The following CMTM1 variants were observed in gnomAD, a reference collection of about 807,000 sequenced individuals.
CMTM1 encodes the protein CKLF-like MARVEL transmembrane domain-containing protein 1.
CMTM1 carries 16 observed loss-of-function variants against 17.8 expected under a neutral mutation model. The observed-to-expected ratio is 0.90, with a 90% CI of 0.61 to 1.37. The LOEUF (loss-of-function observed/expected upper bound fraction) is 1.37. CMTM1 is among the 40% of genes most tolerant of loss of function. The pLI, the probability that CMTM1 is intolerant of heterozygous loss-of-function variation, is 0.00. For missense variants in CMTM1, 354 were observed against 375.6 expected (o/e 0.94, Z 0.47); for synonymous variants, 169 against 154.6 (o/e 1.09, Z -0.69).
intron 2 of CMTM1, among the ~76,000 whole-genome samples, chr16:66,575,765 T>C (rs9673386): frequency 0.055 from 8,405 of 152,300 alleles, 568 homozygotes; most frequent in African/African-American, 0.16. Flanking sequence ...AAGAGCTCCA[T>C]TGGAGCCACT....
intron 2 of CMTM1, among the ~76,000 whole-genome samples, chr16:66,570,741 T>G (rs1486339708): frequency 6.6e-6 from 1 of 152,240 alleles, no homozygotes; most frequent in Non-Finnish European, 1.5e-5. Flanking sequence ...ATTCTGGTCC[T>G]GCCACCTTAC....
At chr16:66,571,777 C>T (rs1030118801) in intron 2 of CMTM1, among the ~76,000 whole-genome samples, 11 of 152,190 alleles carry the variant, frequency 7.2e-5, no homozygotes, top group African/African-American at 1.2e-4. Context: ...GAGAAATGGA[C>T]TCATGCAGGC....
At chr16:66,572,195 C>G (rs2144641243) in intron 2 of CMTM1, among the ~76,000 whole-genome samples, 1 of 152,230 alleles carries the variant, frequency 6.6e-6, no homozygotes. Flanking sequence ...CTCTCTGTTA[C>G]CAAGATGGTT....
Position 66,576,968 on chromosome 16 carries a change from T to C in CMTM1, c.592-136T>C, listed in dbSNP as rs191452433. On this transcript the variant is annotated intron_variant, in intron 2 of 3. Coordinates refer to ENST00000379500, the MANE Select transcript of CMTM1 (RefSeq NM_052999.4). The stretch of plus-strand genomic sequence containing the variant: ...CTGGACGATGTAAGAATTATGCCTC[T>C]GAAGGTTCCTCCTCATCTTAATCAA... 6.7e-4 allele frequency: 455 copies of C among 682,096 alleles called. 1 individual carries two copies. Among genetic ancestry groups the C allele is most frequent in the Non-Finnish European group, 1.0e-3 (415 of 410,522 alleles). The allele number at this position is 682,096 out of a possible 1,614,324, so 42.3% of individuals were successfully genotyped here. A position where few individuals can be genotyped will look rare whatever the true frequency, so the allele number is the denominator to read the frequency against.
At chr16:66,567,128 C>A in intron 1 of CMTM1, 183 bp downstream of exon 1, 1 of 672,432 alleles carries the variant, frequency 1.5e-6, no homozygotes, top group Non-Finnish European at 2.6e-6. Flanking sequence ...TCCTACTAAA[C>A]TTGCCTCTTT....
intron 2 of CMTM1, chr16:66,575,189 T>A: frequency 1.0e-6 from 1 of 985,370 alleles, no homozygotes; most frequent in Non-Finnish European, 1.2e-6. Flanking sequence ...AGGAAGAACA[T>A]CTGGAGTTTG....
In CMTM1 at chr16:66,567,154, C is replaced by CTTTTT. The variant is rs58132277; in HGVS notation, c.432+221_432+225dup. ...TTGCCTCTTTTTTTCCCTATTTTTT[C>CTTTTT]TTTTTTTTTTTTTTTTATTATACTT... On this transcript the variant is annotated intron_variant, in intron 1 of 3. Transcript: ENST00000379500. 13 of 556,544 alleles carry CTTTTT rather than the reference C, an allele frequency of 2.3e-5. 1 individual carries two copies. Among genetic ancestry groups the CTTTTT allele is most frequent in the South Asian group, 1.8e-4 (9 of 49,882 alleles). 34.5% of individuals were successfully genotyped at this position (556,544 alleles called of 1,614,324 possible). A position where few individuals can be genotyped will look rare whatever the true frequency, so the allele number is the denominator to read the frequency against.
chr16:66,576,948 C>T (rs113365504), intron 2 of CMTM1, among the ~76,000 whole-genome samples, 156 bp from the exon 3 acceptor site: 46 of 152,196 alleles, frequency 3.0e-4, no homozygotes, highest in African/African-American at 1.0e-3. Flanking sequence ...TGTCTCTGGA[C>T]GATGTAAGAA....
In CMTM1 at chr16:66,569,924, C is replaced by A. The variant is rs1228488383; in HGVS notation, c.433-12C>A. The A allele has an allele frequency of 1.9e-6, 3 of 1,567,810 alleles. No homozygotes were observed. Among genetic ancestry groups the A allele is most frequent in the Non-Finnish European group, 2.6e-6 (3 of 1,162,342 alleles). ...TCATGCATTAAAACAAATCCTGTTT[C>A]TTTTATTGCAGAGTCTTATCTTAGG... On this transcript the variant is annotated splice_polypyrimidine_tract_variant and intron_variant, in intron 1 of 3. Coordinates refer to ENST00000379500, the MANE Select transcript of CMTM1 (RefSeq NM_052999.4).
chr16:66,576,472 C>T (rs1300477851), intron 2 of CMTM1, among the ~76,000 whole-genome samples: 4 of 151,736 alleles, frequency 2.6e-5, no homozygotes, highest in Admixed American at 6.6e-5. Context: ...CTGCAGATGT[C>T]GGGGCACACC....
In CMTM1 at chr16:66,570,144, CCA is replaced by C. The variant is rs368945401; in HGVS notation, c.591+51_591+52del. 691 of 1,442,856 alleles carry C rather than the reference CCA, an allele frequency of 4.8e-4. 5 individuals carry two copies. In the East Asian group the frequency reaches 0.015, roughly 32 times the overall value. 89.4% of individuals were successfully genotyped at this position (1,442,856 alleles called of 1,614,324 possible). On this transcript the variant is annotated intron_variant, in intron 2 of 3. Transcript: ENST00000379500. ...TCAAATCCAAGCTTTGCCCTCAGCCCCAGAGTAAGGGCTCTCCTTAAGTGAAA... is the reference window on the plus strand; with the variant it reads ...TCAAATCCAAGCTTTGCCCTCAGCCCGAGTAAGGGCTCTCCTTAAGTGAAA...
At position 66,579,038 on chromosome 16, in the gene CMTM1, C is replaced by A. The variant is rs777316599; in HGVS notation, c.*37C>A. The stretch of plus-strand genomic sequence containing the variant: ...CGCCCTAGCAGATGCACGTGTCTGT[C>A]GAATCGCTGCCTCCGAGCCCACCCC... On this transcript the variant is annotated 3_prime_UTR_variant, in exon 4 of 4. Coordinates refer to ENST00000379500, the MANE Select transcript of CMTM1 (RefSeq NM_052999.4). The surrounding 1 kb of genome is among the most constrained non-coding windows in gnomAD (Gnocchi z 6.5). The A allele has an allele frequency of 5.6e-6, 9 of 1,602,250 alleles. No individual in the cohort carries two copies. The Admixed American group carries it at 1.3e-4, about 24-fold the overall frequency.
intron 2 of CMTM1, chr16:66,575,166 C>T (rs925984937): frequency 7.1e-6 from 7 of 985,298 alleles, no homozygotes; most frequent in East Asian, 1.1e-4. Flanking sequence ...GCTCCTCGGT[C>T]GCCAGCCCCA....
At chr16:66,577,926 A>G (rs569680463) in intron 3 of CMTM1, among the ~76,000 whole-genome samples, 3 of 152,370 alleles carry the variant, frequency 2.0e-5, no homozygotes, top group South Asian at 4.1e-4. Flanking sequence ...TCTATAATCA[A>G]TAAATATCTG....
chr16:66,578,926 A>G lies in CMTM1; in HGVS notation c.786A>G (p.Glu262=), dbSNP rs748859453. The G allele has an allele frequency of 7.4e-6, 12 of 1,614,058 alleles. No individual in the cohort carries two copies. In the Admixed American group the frequency reaches 2.0e-4, roughly 27 times the overall value. ...RTNLKRFLGV[E]VERKLSPAKD... is the part of the protein sequence containing the mutation. The stretch of plus-strand genomic sequence containing the variant: ...ACTTGAAAAGATTCCTGGGAGTCGA[A>G]GTTGAAAGGAAGCTTTCCCCCGCCA... Residue 262 remains glutamate (E), a synonymous_variant, in exon 4 of 4, where the codon GAA becomes GAG. Coordinates refer to ENST00000379500, the MANE Select transcript of CMTM1 (RefSeq NM_052999.4).
chr16:66,572,721 C>T (rs1346519206), intron 2 of CMTM1, among the ~76,000 whole-genome samples: 1 of 152,018 alleles, frequency 6.6e-6, no homozygotes, highest in Non-Finnish European at 1.5e-5. Context: ...TCCCTCCAGG[C>T]AAGAAGGCTT....
chr16:66,576,381 A>G (rs2014244334), intron 2 of CMTM1, among the ~76,000 whole-genome samples: 1 of 151,998 alleles, frequency 6.6e-6, no homozygotes, highest in Admixed American at 6.6e-5. Flanking sequence ...CTGGGTGACA[A>G]GAGCGAAACT....
chr16:66,573,913 C>G (rs1407424559), intron 2 of CMTM1, among the ~76,000 whole-genome samples: 1 of 151,786 alleles, frequency 6.6e-6, no homozygotes, highest in African/African-American at 2.4e-5. Context: ...TCTCGAACTC[C>G]TGACCTCAGG....
chr16:66,577,926 A>T (rs569680463), intron 3 of CMTM1, among the ~76,000 whole-genome samples: 2 of 152,252 alleles, frequency 1.3e-5, no homozygotes, highest in Non-Finnish European at 2.9e-5. Context: ...TCTATAATCA[A>T]TAAATATCTG....
Sources: gnomAD v4.1 joint callset for allele counts (sites outside exome capture counted in the v4.1 genomes callset) on GRCh38, gnomAD v4.1.1 for gene constraint, Gnocchi (gnomAD v3.1) non-coding constraint, MANE v1.5 for transcripts, NCBI Gene and HGNC (gene_info 2026-07-23, HGNC 2026-07-21) for gene names.